Variants in LINGO2 observed in about 807,000 individuals in gnomAD.
LINGO2 encodes leucine-rich repeat and immunoglobulin-like domain-containing nogo receptor-interacting protein 2.
Under a neutral mutation model 30.6 loss-of-function variants are expected in LINGO2, and 14 were observed. The ratio of observed to expected loss-of-function variants is 0.46; its 90% CI spans 0.30 to 0.72. LINGO2 has a LOEUF of 0.72. Among genes scored for constraint, LINGO2 ranks in the 30% least tolerant of loss-of-function variants. The pLI, the probability that LINGO2 is intolerant of heterozygous loss-of-function variation, is 0.07. For synonymous variants in LINGO2, 317 were observed against 288.5 expected, an observed-to-expected ratio of 1.10 and a Z score of -1.00; for missense variants, 729 against 751.7, an observed-to-expected ratio of 0.97 and a Z score of 0.35.
chr9:28,175,587 A>G (rs557629518), intron 4 of LINGO2, among the ~76,000 whole-genome samples: 1 of 152,306 alleles, frequency 6.6e-6, no homozygotes, highest in Admixed American at 6.5e-5. Flanking sequence ...AATATAGATT[A>G]TATGCCAATA....
intron 3 of LINGO2, among the ~76,000 whole-genome samples, chr9:28,332,514 C>A (rs986749883): frequency 1.3e-5 from 2 of 151,364 alleles, no homozygotes; most frequent in Non-Finnish European, 2.9e-5. Context: ...GGACACTTCT[C>A]AAATCATCCT....
chr9:28,854,564 G>C, the LINGO2 span, among the ~76,000 whole-genome samples: 1 of 151,862 alleles, frequency 6.6e-6, no homozygotes, highest in African/African-American at 2.4e-5. Flanking sequence ...TAATGGAAAT[G>C]GGTAGGTAGT....
At chr9:28,016,428 T>C (rs1278432553) in intron 4 of LINGO2, among the ~76,000 whole-genome samples, 1 of 152,042 alleles carries the variant, frequency 6.6e-6, no homozygotes, top group Non-Finnish European at 1.5e-5. Context: ...TTTAATATTA[T>C]CAAGAAATAG....
At chr9:28,425,581 C>T (rs1007832904) in intron 2 of LINGO2, among the ~76,000 whole-genome samples, 7 of 151,856 alleles carry the variant, frequency 4.6e-5, no homozygotes, top group East Asian at 3.9e-4. Context: ...TCCTGTCTTG[C>T]GACTGTGTTG....
chr9:28,279,505 C>A (rs1478098677), intron 4 of LINGO2, among the ~76,000 whole-genome samples: 1 of 152,114 alleles, frequency 6.6e-6, no homozygotes, highest in East Asian at 1.9e-4. Flanking sequence ...TCAAGGCAAA[C>A]CCCCCACCAG....
At chr9:28,488,580 C>T (rs1826264213) in intron 1 of LINGO2, among the ~76,000 whole-genome samples, 2 of 152,054 alleles carry the variant, frequency 1.3e-5, no homozygotes, top group Admixed American at 6.6e-5. Flanking sequence ...CTAAGTCAAC[C>T]CTTTCTCATT....
At chr9:28,272,417 A>T (rs1181316445) in intron 4 of LINGO2, among the ~76,000 whole-genome samples, 1 of 151,628 alleles carries the variant, frequency 6.6e-6, no homozygotes, top group Non-Finnish European at 1.5e-5. Flanking sequence ...GCTTCAGAGC[A>T]TTTGCAGCTG....
At chr9:28,970,365 T>C in the LINGO2 span, among the ~76,000 whole-genome samples, 32 of 152,248 alleles carry the variant, frequency 2.1e-4, 1 homozygote, top group Middle Eastern at 3.4e-3. Flanking sequence ...ATGGTCCCCC[T>C]GAAAAGGACA....
At chr9:28,349,650 G>T (rs1272421856) in intron 3 of LINGO2, among the ~76,000 whole-genome samples, 1 of 137,424 alleles carries the variant, frequency 7.3e-6, no homozygotes, top group East Asian at 2.1e-4. Context: ...TACAGAGAAC[G>T]CCACAAAGAT....
intron 2 of LINGO2, among the ~76,000 whole-genome samples, chr9:28,430,109 C>CGCACGTGTGT (rs569701444): frequency 1.6e-4 from 22 of 136,100 alleles, no homozygotes; most frequent in Admixed American, 1.5e-3. Flanking sequence ...CGCGCGCGCG[C>CGCACGTGTGT]GTGTGTGTGT....
the LINGO2 span, among the ~76,000 whole-genome samples, chr9:28,939,978 C>T: frequency 2.1e-4 from 32 of 152,226 alleles, no homozygotes; most frequent in South Asian, 2.5e-3. Flanking sequence ...TCAATACTTA[C>T]GAAACTAATT....
the LINGO2 span, among the ~76,000 whole-genome samples, chr9:28,997,114 G>A: frequency 5.9e-5 from 9 of 152,024 alleles, no homozygotes; most frequent in African/African-American, 1.9e-4. Flanking sequence ...TTTTTGTTTG[G>A]AAGTCAAGAG....
the LINGO2 span, among the ~76,000 whole-genome samples, chr9:28,955,028 A>G: frequency 8.9e-4 from 135 of 152,278 alleles, no homozygotes; most frequent in African/African-American, 3.2e-3. Context: ...AGGGACAGAG[A>G]TAGAGAAAGA....
chr9:28,627,701 A>G (rs1370223771), intron 1 of LINGO2, among the ~76,000 whole-genome samples: 2 of 152,042 alleles, frequency 1.3e-5, no homozygotes, highest in African/African-American at 4.8e-5. Context: ...ACACAAACTG[A>G]GAGTTCTTAA....
intron 3 of LINGO2, among the ~76,000 whole-genome samples, chr9:28,300,564 G>C (rs1824103649): frequency 1.3e-5 from 2 of 152,010 alleles, no homozygotes; most frequent in African/African-American, 4.8e-5. Context: ...TTCCACAGTT[G>C]AAACTTGCCT....
the LINGO2 span, among the ~76,000 whole-genome samples, chr9:29,098,904 A>G: frequency 6.6e-6 from 1 of 152,166 alleles, no homozygotes; most frequent in African/African-American, 2.4e-5. Flanking sequence ...TGGAACCACA[A>G]AAGACCCAGA....
At chr9:28,324,980 G>T (rs1336230635) in intron 3 of LINGO2, among the ~76,000 whole-genome samples, 1 of 151,860 alleles carries the variant, frequency 6.6e-6, no homozygotes, top group African/African-American at 2.4e-5. Flanking sequence ...TGTGACTATG[G>T]AGCAGCAAAC....
intron 5 of LINGO2, among the ~76,000 whole-genome samples, chr9:27,995,397 C>T (rs1280189564): frequency 6.6e-6 from 1 of 152,156 alleles, no homozygotes; most frequent in East Asian, 1.9e-4. Context: ...GCCAGCTTTA[C>T]CCTGCTACCC....
the LINGO2 span, among the ~76,000 whole-genome samples, chr9:29,188,474 G>A: frequency 3.3e-5 from 5 of 151,932 alleles, no homozygotes; most frequent in South Asian, 8.3e-4. Flanking sequence ...CACCTTTCCC[G>A]CCTTTCTATT....
Sources: gnomAD v4.1 joint callset for allele counts (sites outside exome capture counted in the v4.1 genomes callset) on GRCh38, gnomAD v4.1.1 for gene constraint, MANE v1.5 for transcripts, NCBI Gene and HGNC (gene_info 2026-07-23, HGNC 2026-07-21) for gene names.